Variants in WDPCP observed in about 807,000 individuals in gnomAD.
WDPCP encodes WD repeat containing planar cell polarity effector, also known as WD repeat-containing and planar cell polarity effector protein fritz homolog.
Under a neutral mutation model 93.1 loss-of-function variants are expected in WDPCP, and 71 were observed. The observed-to-expected ratio is 0.76, with a 90% CI of 0.63 to 0.93. WDPCP has a LOEUF of 0.93. Among genes scored for constraint, WDPCP ranks in the 40% least tolerant of loss-of-function variants. The probability of loss-of-function intolerance (pLI) is 0.00; values close to 1 mark genes in which losing one functional copy is unlikely to be tolerated. For missense variants in WDPCP, 844 were observed against 887.4 expected (o/e 0.95, Z 0.62); for synonymous variants, 315 against 315.0 (o/e 1.00, Z 0.00).
chr2:63,527,005 T>TGTCATAAAGTGTCCTCA (rs1394379042), intron 1 of WDPCP, among the ~76,000 whole-genome samples: 1 of 152,176 alleles, frequency 6.6e-6, no homozygotes, highest in Non-Finnish European at 1.5e-5. Context: ...CCTCATAAAC[T>TGTCATAAAGTGTCCTCA]TAGAGTGTCA....
At chr2:63,521,488 A>G (rs1164716817) in intron 1 of WDPCP, among the ~76,000 whole-genome samples, 1 of 152,132 alleles carries the variant, frequency 6.6e-6, no homozygotes, top group Admixed American at 6.5e-5. Flanking sequence ...TAAAAGGCTC[A>G]ATACACACCC....
chr2:63,824,631 A>G (rs1575783102), intron 1 of WDPCP, among the ~76,000 whole-genome samples: 1 of 151,800 alleles, frequency 6.6e-6, no homozygotes, highest in African/African-American at 2.4e-5. Flanking sequence ...AATCAATCAA[A>G]TCTTTATCTT....
At chr2:63,557,373 A>G (rs757271519) in intron 1 of WDPCP, among the ~76,000 whole-genome samples, 1 of 152,206 alleles carries the variant, frequency 6.6e-6, no homozygotes, top group Non-Finnish European at 1.5e-5. Flanking sequence ...GTTTCTCACA[A>G]AACAGACTTT....
intron 1 of WDPCP, among the ~76,000 whole-genome samples, chr2:63,521,581 G>A (rs138537451): frequency 1.3e-5 from 2 of 152,270 alleles, no homozygotes; most frequent in East Asian, 1.9e-4. Flanking sequence ...AATACTGGGA[G>A]ACTTCAACAC....
chr2:63,636,535 A>C (rs1004942371), intron 3 of WDPCP, among the ~76,000 whole-genome samples: 2 of 152,126 alleles, frequency 1.3e-5, no homozygotes, highest in African/African-American at 4.8e-5. Context: ...CTCTGTGCTC[A>C]AGACATCCTC....
At chr2:63,330,343 C>T (rs1170952443) in intron 12 of WDPCP, among the ~76,000 whole-genome samples, 1 of 152,154 alleles carries the variant, frequency 6.6e-6, no homozygotes, top group Non-Finnish European at 1.5e-5. Flanking sequence ...TAATGTCAAG[C>T]ATCTTTCCAT....
At chr2:63,657,398 G>A (rs1014118154) in intron 2 of WDPCP, among the ~76,000 whole-genome samples, 2 of 152,070 alleles carry the variant, frequency 1.3e-5, no homozygotes, top group East Asian at 3.9e-4. Flanking sequence ...AGTAGAGACG[G>A]GGTTTCACCG....
chr2:63,261,917 T>C (rs547235384), intron 13 of WDPCP, among the ~76,000 whole-genome samples: 1 of 152,272 alleles, frequency 6.6e-6, no homozygotes, highest in Non-Finnish European at 1.5e-5. Flanking sequence ...AATTAAAGCA[T>C]TGTTTATAAC....
chr2:63,683,303 T>C (rs1234306642), intron 2 of WDPCP, among the ~76,000 whole-genome samples: 1 of 152,018 alleles, frequency 6.6e-6, no homozygotes, highest in Non-Finnish European at 1.5e-5. Context: ...ATAGGGTGGC[T>C]GAATGGATAA....
At position 63,246,917 on chromosome 2, in the gene WDPCP, A is replaced by C. The variant is rs144890390; in HGVS notation, c.1915+12390T>G. Among the ~76,000 whole-genome samples the C allele has an allele frequency of 1.6e-4, 25 of 152,322 alleles. No individual in the cohort carries two copies. In the East Asian group the frequency reaches 4.8e-3, roughly 29 times the overall value. On this transcript the variant is annotated intron_variant, in intron 14 of 17. Coordinates refer to ENST00000272321, the MANE Select transcript of WDPCP (RefSeq NM_015910.7). ...GTTCTGAATCAAGGTGATTATGATA[A>C]TAGTGATGATGAAACTGTTAACACT...
intron 6 of WDPCP, among the ~76,000 whole-genome samples, chr2:63,477,426 G>T (rs1312309417): frequency 6.6e-6 from 1 of 152,102 alleles, no homozygotes; most frequent in Admixed American, 6.6e-5. Context: ...GGCATTGTCT[G>T]AAGAAAATCA....
chr2:63,159,719 T>C (rs541935756), intron 15 of WDPCP, among the ~76,000 whole-genome samples: 2 of 152,260 alleles, frequency 1.3e-5, no homozygotes, highest in East Asian at 1.9e-4. Flanking sequence ...GTCGTGCTAT[T>C]TGGTGATATC....
At chr2:63,764,566 G>T (rs527409527) in intron 2 of WDPCP, among the ~76,000 whole-genome samples, 3 of 152,246 alleles carry the variant, frequency 2.0e-5, no homozygotes, top group East Asian at 3.9e-4. Context: ...AGTAGATATG[G>T]TAAGTGATTA....
chr2:63,332,074 G>C (rs537226780), intron 12 of WDPCP, among the ~76,000 whole-genome samples: 1 of 150,728 alleles, frequency 6.6e-6, no homozygotes, highest in African/African-American at 2.4e-5. Flanking sequence ...GTTCTCTTGG[G>C]GGGAGATACA....
chr2:63,339,467 A>C (rs1286143019), intron 12 of WDPCP, among the ~76,000 whole-genome samples: 1 of 152,094 alleles, frequency 6.6e-6, no homozygotes, highest in African/African-American at 2.4e-5. Flanking sequence ...GCCACCGTGC[A>C]CAGCCTGATT....
chr2:63,447,681 A>C (rs1697958751), intron 6 of WDPCP, among the ~76,000 whole-genome samples: 1 of 152,168 alleles, frequency 6.6e-6, no homozygotes, highest in Non-Finnish European at 1.5e-5. Flanking sequence ...GCCATTAATA[A>C]TTGTAAAGTA....
At chr2:63,723,368 GTA>G (rs1360586333) in intron 2 of WDPCP, among the ~76,000 whole-genome samples, 1 of 150,942 alleles carries the variant, frequency 6.6e-6, no homozygotes, top group East Asian at 1.9e-4. Context: ...AGATTTCAAA[GTA>G]TATGTCACTT....
At chr2:63,313,341 T>C (rs1686326047) in intron 12 of WDPCP, 30 bp from the exon 13 acceptor site, 2 of 1,593,588 alleles carry the variant, frequency 1.3e-6, no homozygotes, top group East Asian at 2.2e-5. Flanking sequence ...ATTATGTTAG[T>C]TGTGAACAAG....
chr2:63,227,426 C>T (rs1467166757), intron 14 of WDPCP, among the ~76,000 whole-genome samples: 3 of 152,002 alleles, frequency 2.0e-5, no homozygotes, highest in South Asian at 2.1e-4. Flanking sequence ...GGTGTAAGCA[C>T]TTGCTTGTAG....
Sources: allele counts gnomAD v4.1 joint callset (sites outside exome capture counted in the v4.1 genomes callset), GRCh38; gene constraint gnomAD v4.1.1; transcripts MANE v1.5; gene names NCBI Gene and HGNC (gene_info 2026-07-23, HGNC 2026-07-21).